CNTN4: variants seen among roughly 807,000 people sequenced by gnomAD.
CNTN4 encodes the protein contactin-4.
A neutral mutation model predicts 122.5 loss-of-function variants in CNTN4; 77 were observed. The ratio of observed to expected loss-of-function variants is 0.63; its 90% CI spans 0.52 to 0.76. CNTN4 has a LOEUF of 0.76. Among genes scored for constraint, CNTN4 ranks in the 30% least tolerant of loss-of-function variants. CNTN4 has a pLI of 0.00. For missense variants in CNTN4, 1,256 were observed against 1,259.1 expected (o/e 1.00, Z 0.04); for synonymous variants, 512 against 447.0 (o/e 1.15, Z -1.83).
intron 4 of CNTN4, among the ~76,000 whole-genome samples, chr3:2,685,906 T>G (rs915368589): frequency 1.3e-5 from 2 of 152,206 alleles, no homozygotes; most frequent in Admixed American, 1.3e-4. Flanking sequence ...ACTCTGTGAT[T>G]TTGGGCAGGA....
intron 2 of CNTN4, among the ~76,000 whole-genome samples, chr3:2,209,172 G>A (rs187175089): frequency 1.3e-5 from 2 of 152,022 alleles, no homozygotes; most frequent in Non-Finnish European, 2.9e-5. Flanking sequence ...CCTTCTATTT[G>A]TGGCCCACTA....
chr3:2,325,981 T>G (rs1395840513), intron 2 of CNTN4, among the ~76,000 whole-genome samples: 1 of 152,150 alleles, frequency 6.6e-6, no homozygotes, highest in Non-Finnish European at 1.5e-5. Flanking sequence ...AAATATTTCT[T>G]TTAGAGGATG....
intron 17 of CNTN4, 121 bp downstream of exon 17, chr3:3,034,911 G>A: frequency 8.9e-7 from 1 of 1,122,600 alleles, no homozygotes. Flanking sequence ...TTATGGCAGT[G>A]TTTCCTAAAC....
At chr3:2,297,753 A>T (rs2042367388) in intron 2 of CNTN4, among the ~76,000 whole-genome samples, 1 of 152,060 alleles carries the variant, frequency 6.6e-6, no homozygotes, top group African/African-American at 2.4e-5. Context: ...TGTCTGAGAC[A>T]GAGTCTCACT....
At chr3:2,974,622 G>T (rs1038857073) in intron 13 of CNTN4, among the ~76,000 whole-genome samples, 6 of 152,166 alleles carry the variant, frequency 3.9e-5, no homozygotes, top group African/African-American at 1.2e-4. Flanking sequence ...ATGGAGAGAC[G>T]TCAGTTCAGG....
chr3:2,854,273 T>TTTTC (rs2093593913), intron 7 of CNTN4, among the ~76,000 whole-genome samples: 1 of 141,328 alleles, frequency 7.1e-6, no homozygotes, highest in Non-Finnish European at 1.5e-5. Flanking sequence ...TTCTTCTTTT[T>TTTTC]TTTTTTTTTT....
chr3:2,737,206 G>T (rs1386759640), intron 5 of CNTN4, among the ~76,000 whole-genome samples: 1 of 152,112 alleles, frequency 6.6e-6, no homozygotes, highest in East Asian at 1.9e-4. Context: ...TCAGCCTCCT[G>T]AGTAGCTGGG....
At chr3:2,788,736 G>A (rs2091915875) in intron 6 of CNTN4, among the ~76,000 whole-genome samples, 1 of 152,140 alleles carries the variant, frequency 6.6e-6, no homozygotes, top group African/African-American at 2.4e-5. Flanking sequence ...ACACCATTAA[G>A]CTCAATAGCT....
intron 2 of CNTN4, among the ~76,000 whole-genome samples, chr3:2,110,038 G>T (rs2032821537): frequency 6.6e-6 from 1 of 152,202 alleles, no homozygotes; most frequent in Admixed American, 6.5e-5. Flanking sequence ...TTTAAAAATG[G>T]ATATCCCTGT....
At chr3:2,448,068 A>T (rs1030641071) in intron 3 of CNTN4, among the ~76,000 whole-genome samples, 1 of 152,182 alleles carries the variant, frequency 6.6e-6, no homozygotes, top group Admixed American at 6.5e-5. Context: ...TTGTGTGAAA[A>T]TATGGAAATA....
chr3:3,037,475 G>C (rs1699713707), intron 18 of CNTN4, 147 bp downstream of exon 18: 1 of 1,110,472 alleles, frequency 9.0e-7, no homozygotes, highest in Non-Finnish European at 1.4e-6. Flanking sequence ...TAGAAATCAG[G>C]CCAGGAGAAG....
chr3:2,329,782 A>C (rs2043640659), intron 2 of CNTN4, among the ~76,000 whole-genome samples: 1 of 152,220 alleles, frequency 6.6e-6, no homozygotes, highest in South Asian at 2.1e-4. Flanking sequence ...GGAAAAATTA[A>C]AAGCACTTAA....
intron 4 of CNTN4, among the ~76,000 whole-genome samples, chr3:2,667,241 C>T (rs1443100794): frequency 6.6e-6 from 1 of 152,182 alleles, no homozygotes; most frequent in African/African-American, 2.4e-5. Context: ...TCCACATCCT[C>T]TCCAGCACCT....
chr3:2,637,305 A>T (rs1260317246), intron 4 of CNTN4, among the ~76,000 whole-genome samples: 1 of 152,160 alleles, frequency 6.6e-6, no homozygotes, highest in Non-Finnish European at 1.5e-5. Flanking sequence ...TTGTAGAGGT[A>T]CAATTTGTAA....
chr3:2,375,328 A>G (rs2045775720), intron 3 of CNTN4, among the ~76,000 whole-genome samples: 1 of 152,206 alleles, frequency 6.6e-6, no homozygotes, highest in South Asian at 2.1e-4. Flanking sequence ...TTGGTATGTC[A>G]CAAGTCATCC....
At chr3:2,181,663 G>A (rs1311526559) in intron 2 of CNTN4, among the ~76,000 whole-genome samples, 1 of 152,026 alleles carries the variant, frequency 6.6e-6, no homozygotes, top group Non-Finnish European at 1.5e-5. Context: ...GTTAAAAAAA[G>A]CCAAAGTTGC....
chr3:2,715,939 A>G lies in CNTN4; in HGVS notation c.56-20276A>G, dbSNP rs78234635. On this transcript the variant is annotated intron_variant, in intron 4 of 24. Transcript: ENST00000418658. ...GTTAAGTTCACAGCAGTTCACAGCCATCCCCATTACATGTTTTAATTTTAT... is the reference window on the plus strand; with the variant it reads ...GTTAAGTTCACAGCAGTTCACAGCCGTCCCCATTACATGTTTTAATTTTAT... Among the ~76,000 whole-genome samples the G allele has an allele frequency of 4.2e-3, 640 of 152,266 alleles. 7 individuals are homozygous for G. The highest frequency in any genetic ancestry group is 0.015 in the African/African-American group (618 of 41,562).
intron 10 of CNTN4, among the ~76,000 whole-genome samples, chr3:2,891,446 CAAAT>C (rs145835304): frequency 1.3e-5 from 2 of 151,782 alleles, no homozygotes; most frequent in African/African-American, 2.4e-5. Context: ...GACTCCATCT[CAAAT>C]AAATAAATAA....
chr3:2,113,109 T>C (rs182776116), intron 2 of CNTN4, among the ~76,000 whole-genome samples: 1 of 152,182 alleles, frequency 6.6e-6, no homozygotes. Flanking sequence ...TATAGAAATA[T>C]AATTACACTG....
Sources: gnomAD v4.1 joint callset for allele counts (sites outside exome capture counted in the v4.1 genomes callset) on GRCh38, gnomAD v4.1.1 for gene constraint, MANE v1.5 for transcripts, NCBI Gene and HGNC (gene_info 2026-07-23, HGNC 2026-07-21) for gene names.